The following DCT variants were observed in gnomAD, a reference collection of about 807,000 sequenced individuals.
DCT encodes dopachrome tautomerase.
In DCT, 47 loss-of-function variants were observed where a neutral mutation model predicts 53.0. The ratio of observed to expected loss-of-function variants is 0.89; its 90% CI spans 0.70 to 1.13. The LOEUF (loss-of-function observed/expected upper bound fraction) is 1.13. Among genes scored for constraint, DCT ranks in the 50% most tolerant of loss-of-function variants. The pLI is 0.00. For synonymous variants in DCT, 244 were observed against 237.0 expected, an observed-to-expected ratio of 1.03 and a Z score of -0.27; for missense variants, 669 against 637.4, an observed-to-expected ratio of 1.05 and a Z score of -0.53.
chr13:94,479,053 G>A lies in DCT; in HGVS notation c.203C>T (p.Thr68Ile). The change falls in exon 1 of 8, where the codon ACA (threonine) becomes ATA (isoleucine). Residue 68 changes from threonine (T) to isoleucine (I), a missense_variant. By Grantham distance (89) the Thr-to-Ile change is moderately conservative. Coordinates refer to ENST00000377028, the MANE Select transcript of DCT (RefSeq NM_001922.5). Reference protein sequence around the residue: ...RGQCTEVRADTRPWSGPYILR... With the variant: ...RGQCTEVRADIRPWSGPYILR... ...GATGTAGGGACCACTCCAGGGCCTTGTGTCGGCTCGCACCTCTGTGCACTG... is the reference window on the plus strand; with the variant it reads ...GATGTAGGGACCACTCCAGGGCCTTATGTCGGCTCGCACCTCTGTGCACTG... 6.2e-7 allele frequency: 1 copy of A among 1,614,238 alleles called. No individual in the cohort carries two copies. The highest frequency in any genetic ancestry group is 8.5e-7 in the Non-Finnish European group (1 of 1,180,038).
the DCT span, among the ~76,000 whole-genome samples, chr13:94,521,344 A>G: frequency 6.6e-6 from 1 of 152,228 alleles, no homozygotes; most frequent in African/African-American, 2.4e-5. Context: ...ATTTTTAATG[A>G]GTTTAAAAAA....
At chr13:94,461,655 G>A (rs866034785) in intron 5 of DCT, among the ~76,000 whole-genome samples, 5 of 151,954 alleles carry the variant, frequency 3.3e-5, no homozygotes, top group Non-Finnish European at 7.4e-5. Flanking sequence ...TTCTAATATC[G>A]ACATTTTAAA....
rs1009265786 is a variant in DCT, at chr13:94,469,034, C to T, written c.307G>A (p.Gly103Ser). The T allele has an allele frequency of 1.9e-6, 3 of 1,611,666 alleles. No homozygotes were observed. Among genetic ancestry groups the T allele is most frequent in the African/African-American group, 1.3e-5 (1 of 74,828 alleles). ...AACTTGCAGTCTCCACAATTATAGC[C>T]GGCAAAGTTTCCTAGTTCACAAAAC... Reference protein sequence around the residue: ...RTCKCTGNFAGYNCGDCKFGW... With the variant: ...RTCKCTGNFASYNCGDCKFGW... The change falls in exon 2 of 8, where the codon GGC (glycine) becomes AGC (serine). Residue 103 changes from glycine to serine, a missense_variant. Coordinates refer to ENST00000377028, the MANE Select transcript of DCT (RefSeq NM_001922.5).
chr13:94,465,746 C>T lies in DCT; in HGVS notation c.750G>A (p.Gly250=). ...FALPYWNFAT[G]RNECDVCTDQ... is the part of the protein sequence containing the mutation. Reference sequence around the variant, plus strand: ...CTGTACACACATCACACTCGTTCCTCCCAGTGGCAAAGTTCCAGTAGGGCA... The same window carrying T: ...CTGTACACACATCACACTCGTTCCTTCCAGTGGCAAAGTTCCAGTAGGGCA... The change falls in exon 4 of 8, where the codon GGG becomes GGA. Residue 250 remains glycine, a synonymous_variant. Coordinates refer to ENST00000377028, the MANE Select transcript of DCT (RefSeq NM_001922.5). 7 of 1,612,634 alleles carry T rather than the reference C, an allele frequency of 4.3e-6. No homozygotes were observed. The highest frequency in any genetic ancestry group is 5.9e-6 in the Non-Finnish European group (7 of 1,179,416).
At chr13:94,447,454 C>T (rs1446671902) in intron 6 of DCT, among the ~76,000 whole-genome samples, 1 of 152,188 alleles carries the variant, frequency 6.6e-6, no homozygotes, top group Non-Finnish European at 1.5e-5. Flanking sequence ...TGATAATGCT[C>T]AATTGCTTAC....
intron 6 of DCT, among the ~76,000 whole-genome samples, chr13:94,456,573 A>G (rs2139313070): frequency 6.6e-6 from 1 of 152,372 alleles, no homozygotes; most frequent in South Asian, 2.1e-4. Context: ...TCTGACCATT[A>G]TAAAACACAT....
At chr13:94,483,410 C>T (rs1683597022), upstream of DCT, among the ~76,000 whole-genome samples, 1 of 151,252 alleles carries the variant, frequency 6.6e-6, no homozygotes, top group Admixed American at 6.6e-5. Flanking sequence ...CTCCATAGAC[C>T]GGGTACAGTC....
At chr13:94,490,864 T>A in the DCT span, among the ~76,000 whole-genome samples, 3 of 152,094 alleles carry the variant, frequency 2.0e-5, no homozygotes, top group African/African-American at 4.8e-5. Context: ...CAATTATGAG[T>A]TTATAATATG....
At chr13:94,489,553 C>A in the DCT span, among the ~76,000 whole-genome samples, 1 of 152,170 alleles carries the variant, frequency 6.6e-6, no homozygotes. Flanking sequence ...ATTTTTATTA[C>A]TTCCATTAAA....
intron 6 of DCT, among the ~76,000 whole-genome samples, chr13:94,453,012 C>T (rs955589617): frequency 8.6e-5 from 13 of 151,958 alleles, no homozygotes; most frequent in East Asian, 5.8e-4. Flanking sequence ...TTTATGTGCA[C>T]TAAGATTTTA....
the DCT span, among the ~76,000 whole-genome samples, chr13:94,528,237 T>G: frequency 1.3e-5 from 2 of 152,086 alleles, no homozygotes; most frequent in Non-Finnish European, 2.9e-5. Context: ...CCAGGAGAAC[T>G]TCCCTAACCT....
intron 6 of DCT, among the ~76,000 whole-genome samples, chr13:94,452,404 A>C (rs1244839943): frequency 6.6e-6 from 1 of 152,230 alleles, no homozygotes; most frequent in Non-Finnish European, 1.5e-5. Flanking sequence ...TCACGTTGAC[A>C]AAGATGAAAA....
Position 94,443,430 on chromosome 13 carries a change from A to T in DCT, c.1381+6T>A. On this transcript the variant is annotated splice_donor_region_variant and intron_variant, in intron 7 of 7. Coordinates refer to ENST00000377028, the MANE Select transcript of DCT (RefSeq NM_001922.5). ...GAATCACCCATTTGGAAGTTGTGTT[A>T]GTTACCTGGCAGATCGATGGCATAG... 1 of 1,604,532 alleles carries T rather than the reference A, an allele frequency of 6.2e-7. No homozygotes were observed. The highest frequency in any genetic ancestry group is 8.5e-7 in the Non-Finnish European group (1 of 1,171,328).
At position 94,465,625 on chromosome 13, in the gene DCT, G is replaced by A. The variant is rs1884124486; in HGVS notation, c.863+8C>T. 1 of 1,612,262 alleles carries A rather than the reference G, an allele frequency of 6.2e-7. No individual in the cohort carries two copies. The highest frequency in any genetic ancestry group is 8.5e-7 in the Non-Finnish European group (1 of 1,178,942). On this transcript the variant is annotated splice_region_variant and intron_variant, in intron 4 of 7. Transcript: ENST00000377028. ...TCTGGATGCCATTGCAGGTACAGGA[G>A]CCATTACCTATCACAGACAGTTTCC...
intron 1 of DCT, among the ~76,000 whole-genome samples, chr13:94,472,509 TATAC>T (rs566982525): frequency 0.022 from 993 of 45,802 alleles, 68 homozygotes; most frequent in Non-Finnish European, 0.036. Context: ...GAGTTAAATA[TATAC>T]ATACATACAT....
Position 94,438,773 on chromosome 13 carries a change from C to T in DCT, c.*1125G>A, listed in dbSNP as rs1882069725. The T allele has an allele frequency of 7.5e-6, 3 of 398,240 alleles. 1 individual carries two copies. Among genetic ancestry groups the T allele is most frequent in the South Asian group, 5.7e-5 (3 of 52,492 alleles). The allele number at this position is 398,240 out of a possible 1,614,324, so 24.7% of individuals were successfully genotyped here. A position where few individuals can be genotyped will look rare whatever the true frequency, so the allele number is the denominator to read the frequency against. On this transcript the variant is annotated 3_prime_UTR_variant, in exon 8 of 8. Transcript: ENST00000377028. The stretch of plus-strand genomic sequence containing the variant: ...CATAGCAGAATATAACCACTTAATT[C>T]TGAATTGTCATGTTTTGTACAGATG...
In DCT at chr13:94,462,439, G is replaced by A. The variant is rs111728151; in HGVS notation, c.864-250C>T. Among the ~76,000 whole-genome samples, 212 of 151,926 alleles carry A rather than the reference G, an allele frequency of 1.4e-3. 1 individual carries two copies. The Middle Eastern group carries it at 0.017, about 12-fold the overall frequency. ...CGCTTGAACCCAGGAGACAGAGGCT[G>A]CAGTGAGCAGAGATCATGCCACTGC... is the stretch of plus-strand genomic sequence containing the variant. On this transcript the variant is annotated intron_variant, in intron 4 of 7. Transcript: ENST00000377028.
the DCT span, among the ~76,000 whole-genome samples, chr13:94,488,875 CACACACAA>C: frequency 0.019 from 2,927 of 151,450 alleles, 84 homozygotes; most frequent in African/African-American, 0.067. Flanking sequence ...CACACACATA[CACACACAA>C]ACACACATAT....
the DCT span, among the ~76,000 whole-genome samples, chr13:94,531,248 T>A: frequency 6.6e-6 from 1 of 152,204 alleles, no homozygotes; most frequent in African/African-American, 2.4e-5. Context: ...GCTATCCCCA[T>A]CAAGCTACCA....
Sources: gnomAD v4.1 joint callset for allele counts (sites outside exome capture counted in the v4.1 genomes callset) on GRCh38, gnomAD v4.1.1 for gene constraint, MANE v1.5 for transcripts, NCBI Gene and HGNC (gene_info 2026-07-23, HGNC 2026-07-21) for gene names.